KNDC1: variants seen among roughly 807,000 people sequenced by gnomAD.
KNDC1 encodes kinase non-catalytic C-lobe domain containing 1.
In KNDC1, 106 loss-of-function variants were observed where a neutral mutation model predicts 172.8. That is an observed-to-expected ratio of 0.61 (90% CI 0.52 to 0.72). The LOEUF is 0.72. KNDC1 is among the 30% of genes least tolerant of loss of function. The probability of loss-of-function intolerance (pLI) is 0.00; values close to 1 mark genes in which losing one functional copy is unlikely to be tolerated. For synonymous variants in KNDC1, 1,083 were observed against 1,062.2 expected (o/e 1.02, Z -0.38); for missense variants, 2,325 against 2,394.5 (o/e 0.97, Z 0.61).
chr10:133,172,294 CAAT>C (rs1853400661), intron 3 of KNDC1, among the ~76,000 whole-genome samples: 2 of 152,214 alleles, frequency 1.3e-5, no homozygotes, highest in Non-Finnish European at 2.9e-5. Flanking sequence ...ATGTGTGTGT[CAAT>C]TTTACAAGAT....
chr10:133,175,251 G>GTGGATAGATGGGTGGA, intron 3 of KNDC1, among the ~76,000 whole-genome samples: 1 of 150,088 alleles, frequency 6.7e-6, no homozygotes, highest in South Asian at 2.1e-4. Flanking sequence ...GGATGGGTGG[G>GTGGATAGATGGGTGGA]TGGATAGATG....
At chr10:133,177,502 T>C (rs887996812) in intron 3 of KNDC1, among the ~76,000 whole-genome samples, 5 of 151,116 alleles carry the variant, frequency 3.3e-5, no homozygotes, top group Non-Finnish European at 7.4e-5. Flanking sequence ...GTGTGTGTCA[T>C]GGTCATGTGT....
chr10:133,183,997 C>T lies in KNDC1; in HGVS notation c.625+8C>T. On this transcript the variant is annotated splice_region_variant and intron_variant, in intron 5 of 29. Transcript: ENST00000304613. ...CCTTCGGAGCGCTGCAGGGTGAGTT[C>T]TTGAACCCACACACGTGCATCCTCA... is the stretch of plus-strand genomic sequence containing the variant. 1 of 1,523,450 alleles carries T rather than the reference C, an allele frequency of 6.6e-7. No individual in the cohort carries two copies. 94.4% of individuals were successfully genotyped at this position (1,523,450 alleles called of 1,614,324 possible).
intron 17 of KNDC1, 39 bp downstream of exon 17, chr10:133,201,937 C>G (rs775388185): frequency 6.6e-7 from 1 of 1,521,292 alleles, no homozygotes; most frequent in Non-Finnish European, 8.8e-7. Flanking sequence ...TGGGGCAGGG[C>G]GTCTCCTTCC....
intron 21 of KNDC1, 140 bp from the exon 22 acceptor site, chr10:133,211,282 A>G: frequency 1.6e-6 from 1 of 632,930 alleles, no homozygotes; most frequent in Non-Finnish European, 2.5e-6. Flanking sequence ...GACCCACGGA[A>G]GACCCCCAGC....
In KNDC1 at chr10:133,199,214, G is replaced by C. The variant is rs1016960168; in HGVS notation, c.2706G>C (p.Glu902Asp). 6.3e-7 allele frequency: 1 copy of C among 1,578,632 alleles called. No homozygotes were observed. Among genetic ancestry groups the C allele is most frequent in the African/African-American group, 1.3e-5 (1 of 74,278 alleles). Reference sequence around the variant, plus strand: ...AGGAGGCCACGCGCCTCATCCAGGAGGAATTTGCCTTCGATGGCTACCTGG... The same window carrying C: ...AGGAGGCCACGCGCCTCATCCAGGACGAATTTGCCTTCGATGGCTACCTGG... ...SLQEATRLIQ[E>D]EFAFDGYLDN... Residue 902 changes from glutamate to aspartate, a missense_variant, in exon 14 of 30, where the codon GAG becomes GAC. Glu to Asp is a conservative substitution (Grantham distance 45, BLOSUM62 2). Transcript: ENST00000304613.
intron 6 of KNDC1, among the ~76,000 whole-genome samples, chr10:133,187,538 T>G (rs577423481): frequency 6.6e-6 from 1 of 152,328 alleles, no homozygotes; most frequent in South Asian, 2.1e-4. Flanking sequence ...GCCTCGTTGA[T>G]CTGAAGGACA....
chr10:133,223,343 C>T (rs1289924547), intron 29 of KNDC1, among the ~76,000 whole-genome samples: 2 of 44,908 alleles, frequency 4.5e-5, no homozygotes, highest in Non-Finnish European at 9.9e-5. Context: ...GTGTGAGAGC[C>T]CATCCAGGCA....
chr10:133,163,429 C>A lies in KNDC1; in HGVS notation c.102+2860C>A, dbSNP rs563617950. Reference sequence around the variant, plus strand: ...CTCCCAGTAAAGAAGAGGACGTCCCCGCTGCAGGGTCCATATGACATCTGT... The same window carrying A: ...CTCCCAGTAAAGAAGAGGACGTCCCAGCTGCAGGGTCCATATGACATCTGT... On this transcript the variant is annotated intron_variant, in intron 1 of 29. Transcript: ENST00000304613. The surrounding 1 kb of genome is among the most constrained non-coding windows in gnomAD (Gnocchi z 4.4). Among the ~76,000 whole-genome samples the A allele has an allele frequency of 1.3e-4, 20 of 152,056 alleles. No individual in the cohort carries two copies. Among genetic ancestry groups the A allele is most frequent in the Non-Finnish European group, 2.5e-4 (17 of 68,010 alleles).
Position 133,186,404 on chromosome 10 carries a change from T to C in KNDC1, c.1056T>C (p.Leu352=). ...CCTTTCTGGACAGGAAAAATGGCCT[T>C]TCTAGCTTCCAGGCTCAGCCCAAAT... ...RKAFLDRKNG[L]SSFQAQPKCR... is the part of the protein sequence containing the mutation. Residue 352 remains leucine, a synonymous_variant, in exon 6 of 30, where the codon CTT becomes CTC. Transcript: ENST00000304613. 6.2e-7 allele frequency: 1 copy of C among 1,612,718 alleles called. No individual in the cohort carries two copies. The highest frequency in any genetic ancestry group is 2.2e-5 in the East Asian group (1 of 44,874).
rs1198251054 is a variant in KNDC1, at chr10:133,206,866, C to A, written c.3492C>A (p.Val1164=). 6.2e-7 allele frequency: 1 copy of A among 1,614,146 alleles called. No individual in the cohort carries two copies. The change falls in exon 19 of 30, where the codon GTC becomes GTA. Residue 1164 remains valine (V), a synonymous_variant. Coordinates refer to ENST00000304613, the MANE Select transcript of KNDC1 (RefSeq NM_152643.8). ...QKEKRNKGSD[V]KTMLSKLKGQ... is the part of the protein sequence containing the mutation. ...CTGCTCCACCCACAGGTTCCGACGTCAAGACCATGCTGTCCAAGCTGAAAG... is the reference window on the plus strand; with the variant it reads ...CTGCTCCACCCACAGGTTCCGACGTAAAGACCATGCTGTCCAAGCTGAAAG...
intron 1 of KNDC1, among the ~76,000 whole-genome samples, chr10:133,162,523 C>T (rs186965949): frequency 8.9e-4 from 135 of 152,348 alleles, no homozygotes; most frequent in Admixed American, 2.4e-3. Flanking sequence ...AAATAGACCC[C>T]TATGGACACC....
rs778780055 is a variant in KNDC1, at chr10:133,186,250, G to A, written c.902G>A (p.Arg301His). ...ELDRDALRRSRLRKVQTFPRL... is the reference protein window; with the variant it reads ...ELDRDALRRSHLRKVQTFPRL... The stretch of plus-strand genomic sequence containing the variant: ...GACAGAGACGCCCTCAGGAGAAGCC[G>A]CCTGCGGAAGGTGCAGACGTTCCCT... Residue 301 changes from arginine (R) to histidine (H), a missense_variant, in exon 6 of 30, where the codon CGC becomes CAC. Arg to His is a conservative substitution (Grantham distance 29, BLOSUM62 0). Coordinates refer to ENST00000304613, the MANE Select transcript of KNDC1 (RefSeq NM_152643.8). The A allele has an allele frequency of 1.8e-5, 28 of 1,598,762 alleles. No individual in the cohort carries two copies. Among genetic ancestry groups the A allele is most frequent in the Admixed American group, 3.5e-5 (2 of 57,870 alleles).
intron 9 of KNDC1, among the ~76,000 whole-genome samples, chr10:133,191,343 G>A (rs1160282003): frequency 1.3e-5 from 2 of 151,900 alleles, no homozygotes; most frequent in Admixed American, 6.6e-5. Context: ...GTTGCAGTGA[G>A]CCAAGATCAT....
At position 133,186,434 on chromosome 10, in the gene KNDC1, G is replaced by C. The variant is rs1291985979; in HGVS notation, c.1086G>C (p.Arg362Ser). 6.2e-7 allele frequency: 1 copy of C among 1,612,526 alleles called. No homozygotes were observed. Among genetic ancestry groups the C allele is most frequent in the African/African-American group, 1.3e-5 (1 of 74,924 alleles). Residue 362 changes from arginine to serine, a missense_variant, in exon 6 of 30, where the codon AGG (arginine) becomes AGC (serine). Coordinates refer to ENST00000304613, the MANE Select transcript of KNDC1 (RefSeq NM_152643.8). Reference protein sequence around the residue: ...LSSFQAQPKCRLWPEQEPEHQ... With the variant: ...LSSFQAQPKCSLWPEQEPEHQ... ...GCTTCCAGGCTCAGCCCAAATGCAG[G>C]CTGTGGCCGGAGCAGGAGCCGGAAC...
intron 9 of KNDC1, 131 bp downstream of exon 9, chr10:133,189,944 C>A: frequency 1.3e-6 from 1 of 782,674 alleles, no homozygotes; most frequent in Non-Finnish European, 2.1e-6. Flanking sequence ...CAGGCGGCCA[C>A]AGGCGGTATC....
chr10:133,160,765 G>A (rs1463356974), intron 1 of KNDC1, among the ~76,000 whole-genome samples, 196 bp downstream of exon 1: 1 of 152,170 alleles, frequency 6.6e-6, no homozygotes, highest in African/African-American at 2.4e-5. Context: ...GAATGCGCAC[G>A]GGACGGCGGC....
Position 133,224,988 on chromosome 10 carries a change from G to A in KNDC1, c.*98G>A, listed in dbSNP as rs1371683931. The A allele has an allele frequency of 1.1e-6, 1 of 942,746 alleles. No homozygotes were observed. The highest frequency in any genetic ancestry group is 1.6e-5 in the African/African-American group (1 of 61,442). 58.4% of individuals were successfully genotyped at this position (942,746 alleles called of 1,614,324 possible). On this transcript the variant is annotated 3_prime_UTR_variant, in exon 30 of 30. Coordinates refer to ENST00000304613, the MANE Select transcript of KNDC1 (RefSeq NM_152643.8). The surrounding 1 kb of genome is among the most constrained non-coding windows in gnomAD (Gnocchi z 5.4). ...CGTCTCAGGCCCGGCCGTTATCAAG[G>A]CCCCTCCGCCCCCGAACCCTGGGGA...
At position 133,207,271 on chromosome 10, in the gene KNDC1, C is replaced by T; in HGVS notation, c.3714C>T (p.Asn1238=). The change falls in exon 20 of 30, where the codon AAC becomes AAT. Residue 1238 remains asparagine (N), a synonymous_variant. Coordinates refer to ENST00000304613, the MANE Select transcript of KNDC1 (RefSeq NM_152643.8). Reference sequence around the variant, plus strand: ...CCTCGCTCATCTTCTACAACGTCAACAAGCACCCGGGCGGCCGGCAGAAGG... The same window carrying T: ...CCTCGCTCATCTTCTACAACGTCAATAAGCACCCGGGCGGCCGGCAGAAGG... ...ESSSLIFYNV[N]KHPGGRQKAR... The T allele has an allele frequency of 1.2e-6, 2 of 1,613,122 alleles. No individual in the cohort carries two copies. The highest frequency in any genetic ancestry group is 2.2e-5 in the South Asian group (2 of 91,092).
Sources: allele counts gnomAD v4.1 joint callset (sites outside exome capture counted in the v4.1 genomes callset), GRCh38; gene constraint gnomAD v4.1.1; non-coding constraint Gnocchi (gnomAD v3.1); transcripts MANE v1.5; gene names NCBI Gene and HGNC (gene_info 2026-07-23, HGNC 2026-07-21).